The following GALNT17 variants were observed in gnomAD, a reference collection of about 807,000 sequenced individuals.
GALNT17 encodes the protein polypeptide N-acetylgalactosaminyltransferase 17.
A neutral mutation model predicts 63.7 loss-of-function variants in GALNT17; 29 were observed. The ratio of observed to expected loss-of-function variants is 0.46; its 90% CI spans 0.34 to 0.62. The LOEUF is 0.62. GALNT17 is among the 20% of genes least tolerant of loss of function. The pLI, the probability that GALNT17 is intolerant of heterozygous loss-of-function variation, is 0.01. For missense variants in GALNT17, 603 were observed against 799.6 expected, an observed-to-expected ratio of 0.75 and a Z score of 2.97; for synonymous variants, 305 against 318.3, an observed-to-expected ratio of 0.96 and a Z score of 0.45.
Position 71,467,000 on chromosome 7 carries a change from C to G in GALNT17, c.962+45895C>G, listed in dbSNP as rs796405371. On this transcript the variant is annotated intron_variant, in intron 5 of 10. Transcript: ENST00000333538. ...GGCTGTCACGGGCCATGGCCCTTAACCTGGGCAAAACAAACCTCTAAACTG... is the reference window on the plus strand; with the variant it reads ...GGCTGTCACGGGCCATGGCCCTTAAGCTGGGCAAAACAAACCTCTAAACTG... 2.4e-4 allele frequency among the ~76,000 whole-genome samples: 37 copies of G among 152,018 alleles called. 1 individual carries two copies. The highest frequency in any genetic ancestry group is 8.4e-4 in the African/African-American group (35 of 41,480).
At chr7:71,242,355 C>T (rs754262884) in intron 1 of GALNT17, among the ~76,000 whole-genome samples, 21 of 150,344 alleles carry the variant, frequency 1.4e-4, no homozygotes, top group Admixed American at 6.6e-4. Flanking sequence ...CTGCAAACTC[C>T]GCCTCCTGGG....
chr7:71,526,139 T>G (rs1270968101), intron 5 of GALNT17, among the ~76,000 whole-genome samples: 1 of 152,216 alleles, frequency 6.6e-6, no homozygotes, highest in African/African-American at 2.4e-5. Flanking sequence ...CAGCCACAAG[T>G]TCTTTTTAGT....
At chr7:71,224,271 C>G (rs1232972150) in intron 1 of GALNT17, among the ~76,000 whole-genome samples, 4 of 152,156 alleles carry the variant, frequency 2.6e-5, no homozygotes, top group Non-Finnish European at 5.9e-5. Context: ...TCTCAAACCT[C>G]TGACCTCAAG....
In GALNT17 at chr7:71,132,837, T is replaced by C; in HGVS notation, c.35T>C (p.Val12Ala). Residue 12 changes from valine (V) to alanine (A), a missense_variant, in exon 1 of 11, where the codon GTG (valine) becomes GCG (alanine). This residue lies in a region of GALNT17 where 195 missense variants were observed against 215.0 expected (regional missense o/e 0.91). Transcript: ENST00000333538. ...CTGAGAAGAGTCAAAGTGCTGTTGG[T>C]GTTGAACTTGATCGCGGTAGCCGGC... ...ASLRRVKVLL[V>A]LNLIAVAGFV... 1.2e-6 allele frequency: 2 copies of C among 1,611,572 alleles called. No individual in the cohort carries two copies. Among genetic ancestry groups the C allele is most frequent in the Non-Finnish European group, 1.7e-6 (2 of 1,178,850 alleles).
chr7:71,514,051 C>T lies in GALNT17; in HGVS notation c.963-57234C>T, dbSNP rs1301966001. Among the ~76,000 whole-genome samples, 6 of 151,984 alleles carry T rather than the reference C, an allele frequency of 3.9e-5. No homozygotes were observed. In the East Asian group the frequency reaches 5.8e-4, roughly 15 times the overall value. On this transcript the variant is annotated intron_variant, in intron 5 of 10. Transcript: ENST00000333538. ...CAAAAGCAAAATTTAAAAATTTAGC[C>T]GGGCATGGTGGCATGTATCTGTAGT...
intron 6 of GALNT17, among the ~76,000 whole-genome samples, chr7:71,651,241 A>AAAG (rs1790750238): frequency 1.4e-5 from 2 of 146,750 alleles, no homozygotes; most frequent in South Asian, 4.4e-4. Context: ...AAAAAAAAAA[A>AAAG]GGAAGGGAGG....
chr7:71,643,100 TG>T (rs35871786), intron 6 of GALNT17, among the ~76,000 whole-genome samples: 4 of 152,138 alleles, frequency 2.6e-5, no homozygotes, highest in African/African-American at 4.8e-5. Flanking sequence ...GACAAAGACC[TG>T]GGGTGGTCTC....
At chr7:71,421,143 C>G in intron 5 of GALNT17, 38 bp downstream of exon 5, 1 of 1,608,970 alleles carries the variant, frequency 6.2e-7, no homozygotes, top group South Asian at 1.1e-5. Context: ...AACGAGCCCC[C>G]AAATTCAAGG....
intron 3 of GALNT17, among the ~76,000 whole-genome samples, chr7:71,395,959 T>C (rs1472204980): frequency 1.3e-5 from 2 of 152,208 alleles, no homozygotes; most frequent in South Asian, 2.1e-4. Flanking sequence ...TTTTAAATTA[T>C]TGACTCATAA....
chr7:71,294,487 T>C (rs532248467), intron 1 of GALNT17, among the ~76,000 whole-genome samples: 154 of 144,940 alleles, frequency 1.1e-3, no homozygotes, highest in African/African-American at 3.9e-3. Context: ...TGGTCTTGGC[T>C]CACTGCAACC....
rs190217674 is a variant in GALNT17, at chr7:71,296,078, T to C, written c.239-39472T>C. Among the ~76,000 whole-genome samples, 1,051 of 152,314 alleles carry C rather than the reference T, an allele frequency of 6.9e-3. 5 individuals are homozygous for C. The highest frequency in any genetic ancestry group is 9.1e-3 in the Non-Finnish European group (617 of 68,024). On this transcript the variant is annotated intron_variant, in intron 1 of 10. Transcript: ENST00000333538. Reference sequence around the variant, plus strand: ...TCCTCTGCCATTTTTGTTTTTAGCCTTTTCCTCATAGTTGGGGCTATTCCT... The same window carrying C: ...TCCTCTGCCATTTTTGTTTTTAGCCCTTTCCTCATAGTTGGGGCTATTCCT...
intron 5 of GALNT17, among the ~76,000 whole-genome samples, chr7:71,443,886 C>T (rs755988245): frequency 1.3e-5 from 2 of 152,128 alleles, no homozygotes; most frequent in Non-Finnish European, 2.9e-5. Flanking sequence ...CACCACCCCT[C>T]GCTAATTGTT....
intron 3 of GALNT17, among the ~76,000 whole-genome samples, chr7:71,405,260 A>G (rs190818136): frequency 6.6e-6 from 1 of 152,320 alleles, no homozygotes; most frequent in African/African-American, 2.4e-5. Flanking sequence ...GCATGTAGGC[A>G]TGCCACTTAC....
chr7:71,205,139 T>G (rs1158307519), intron 1 of GALNT17, among the ~76,000 whole-genome samples: 1 of 147,106 alleles, frequency 6.8e-6, no homozygotes, highest in Non-Finnish European at 1.5e-5. Context: ...TATTTTTTAT[T>G]TTTTACTTTT....
chr7:71,670,214 G>C, intron 8 of GALNT17, 105 bp downstream of exon 8: 8 of 1,487,988 alleles, frequency 5.4e-6, no homozygotes, highest in Non-Finnish European at 7.4e-6. Context: ...TCAATGAGTG[G>C]TTTTTGGAGG....
chr7:71,263,910 C>T lies in GALNT17; in HGVS notation c.239-71640C>T, dbSNP rs571537652. Among the ~76,000 whole-genome samples the T allele has an allele frequency of 1.2e-3, 189 of 152,254 alleles. 1 individual carries two copies. The highest frequency in any genetic ancestry group is 3.9e-3 in the African/African-American group (161 of 41,560). On this transcript the variant is annotated intron_variant, in intron 1 of 10. Coordinates refer to ENST00000333538, the MANE Select transcript of GALNT17 (RefSeq NM_022479.3). ...CTGCACTCCAGCCTGGGCGATAGAG[C>T]GACATTCCGTCCCAAAAAAACAAAA...
At chr7:71,618,853 G>A (rs1331440582) in intron 6 of GALNT17, among the ~76,000 whole-genome samples, 1 of 152,074 alleles carries the variant, frequency 6.6e-6, no homozygotes, top group Admixed American at 6.6e-5. Flanking sequence ...TGTTACAGTT[G>A]CTTTTGGGGA....
chr7:71,624,225 A>T (rs1790338623), intron 6 of GALNT17, among the ~76,000 whole-genome samples: 1 of 152,158 alleles, frequency 6.6e-6, no homozygotes, highest in African/African-American at 2.4e-5. Context: ...GAACATTGGG[A>T]AGTTAGGGAG....
intron 1 of GALNT17, among the ~76,000 whole-genome samples, chr7:71,326,135 C>A (rs1031146718): frequency 2.6e-5 from 4 of 151,826 alleles, no homozygotes; most frequent in African/African-American, 2.4e-5. Context: ...AAAAAAAATC[C>A]CCTTTGAAAT....
Sources: allele counts gnomAD v4.1 joint callset (sites outside exome capture counted in the v4.1 genomes callset), GRCh38; gene constraint gnomAD v4.1.1; regional missense constraint gnomAD v4.1.1; transcripts MANE v1.5; gene names NCBI Gene and HGNC (gene_info 2026-07-23, HGNC 2026-07-21).